LAMA3: variants seen among roughly 807,000 people sequenced by gnomAD.
The protein encoded by LAMA3 is laminin subunit alpha 3.
In LAMA3, 281 loss-of-function variants were observed where a neutral mutation model predicts 402.0. The observed-to-expected ratio is 0.70, with a 90% CI of 0.63 to 0.77. The LOEUF (loss-of-function observed/expected upper bound fraction) is 0.77, where lower values mean the gene tolerates loss of function less well. LAMA3 is among the 30% of genes least tolerant of loss of function. The probability of loss-of-function intolerance (pLI) is 0.00; values close to 1 mark genes in which losing one functional copy is unlikely to be tolerated. For synonymous variants in LAMA3, 1,431 were observed against 1,558.4 expected, an observed-to-expected ratio of 0.92 and a Z score of 1.93; for missense variants, 3,840 against 4,215.5, an observed-to-expected ratio of 0.91 and a Z score of 2.47.
At position 23,689,887 on chromosome 18, in the gene LAMA3, G is replaced by A; in HGVS notation, c.204G>A (p.Glu68=). The A allele has an allele frequency of 1.3e-6, 2 of 1,541,164 alleles. No homozygotes were observed. Among genetic ancestry groups the A allele is most frequent in the Non-Finnish European group, 1.7e-6 (2 of 1,143,610 alleles). The stretch of plus-strand genomic sequence containing the variant: ...TTTGGGCCACCGCCACCTGCGGGGA[G>A]AGGGGACCCGGCGAGGGGAGGCCCC... ...ARIWATATCG[E]RGPGEGRPQP... Residue 68 remains glutamate (E), a synonymous_variant, in exon 1 of 75, where the codon GAG becomes GAA. Transcript: ENST00000313654.
At chr18:23,696,181 G>A (rs2060683435) in intron 1 of LAMA3, among the ~76,000 whole-genome samples, 1 of 152,202 alleles carries the variant, frequency 6.6e-6, no homozygotes, top group Non-Finnish European at 1.5e-5. Flanking sequence ...GTAATTTGAT[G>A]AGAATGCAAA....
intron 44 of LAMA3, among the ~76,000 whole-genome samples, chr18:23,895,376 T>C (rs1200383069): frequency 6.6e-6 from 1 of 152,212 alleles, no homozygotes; most frequent in Non-Finnish European, 1.5e-5. Context: ...CTTTAAATGT[T>C]GGATAGAATT....
chr18:23,721,362 A>AT (rs2061210095), intron 2 of LAMA3, among the ~76,000 whole-genome samples: 1 of 152,216 alleles, frequency 6.6e-6, no homozygotes, highest in South Asian at 2.1e-4. Flanking sequence ...TCCTTCCATA[A>AT]TTGGGTCTGC....
intron 27 of LAMA3, 139 bp downstream of exon 27, chr18:23,840,068 GC>G (rs2063664917): frequency 1.1e-6 from 1 of 919,618 alleles, no homozygotes; most frequent in Non-Finnish European, 1.7e-6. Context: ...CTGGGGGTGG[GC>G]CCAGGAATCT....
chr18:23,944,091 T>C, intron 69 of LAMA3, 120 bp downstream of exon 69: 1 of 973,058 alleles, frequency 1.0e-6, no homozygotes, highest in Non-Finnish European at 1.6e-6. Context: ...AGAGCTTGTG[T>C]GCTTGCAGGC....
At chr18:23,876,266 T>C (rs775345397) in intron 38 of LAMA3, 28 bp from the exon 39 acceptor site, 2 of 1,429,430 alleles carry the variant, frequency 1.4e-6, no homozygotes, top group Non-Finnish European at 2.0e-6. Flanking sequence ...TTTCTTTGTA[T>C]TGATTAAACA....
chr18:23,944,132 C>T (rs1268333052), intron 69 of LAMA3, among the ~76,000 whole-genome samples, 161 bp downstream of exon 69: 1 of 152,150 alleles, frequency 6.6e-6, no homozygotes, highest in Non-Finnish European at 1.5e-5. Context: ...GTACTGGAGG[C>T]CGCGGCACAC....
In LAMA3 at chr18:23,775,798, G is replaced by T. The variant is rs1005685820; in HGVS notation, c.1280G>T (p.Ser427Ile). Residue 427 changes from serine (S) to isoleucine (I), a missense_variant, in exon 10 of 75, where the codon AGC (serine) becomes ATC (isoleucine). By Grantham distance (142) the Ser-to-Ile change is moderately radical. This residue lies in a region of LAMA3 where 2,109 missense variants were observed against 2,376.0 expected (regional missense o/e 0.89). Transcript: ENST00000313654. ...AAACTGGGATTTCTCTTAGCCTGCA[G>T]CTGTGACCCTGAGCATGCGGATGGC... is the stretch of plus-strand genomic sequence containing the variant. ...VDAPDGCIPCSCDPEHADGCE... is the reference protein window; with the variant it reads ...VDAPDGCIPCICDPEHADGCE... The T allele has an allele frequency of 2.5e-6, 4 of 1,613,878 alleles. No homozygotes were observed. The African/African-American group carries it at 5.3e-5, about 22-fold the overall frequency.
chr18:23,898,029 G>A (rs996438799), intron 44 of LAMA3, among the ~76,000 whole-genome samples: 1 of 152,068 alleles, frequency 6.6e-6, no homozygotes, highest in Non-Finnish European at 1.5e-5. Context: ...ACATATTGAG[G>A]TAATAATATC....
chr18:23,896,906 G>T (rs1049906728), intron 44 of LAMA3, among the ~76,000 whole-genome samples: 2 of 152,064 alleles, frequency 1.3e-5, no homozygotes, highest in Non-Finnish European at 2.9e-5. Context: ...AAAGAAAGGG[G>T]AACTCCCACC....
intron 2 of LAMA3, among the ~76,000 whole-genome samples, chr18:23,721,207 C>A (rs182130240): frequency 4.7e-4 from 71 of 152,064 alleles, no homozygotes; most frequent in African/African-American, 1.7e-3. Flanking sequence ...TGTATATATA[C>A]ACACATTCAA....
At chr18:23,832,992 G>A (rs910694810) in intron 23 of LAMA3, among the ~76,000 whole-genome samples, 1 of 152,090 alleles carries the variant, frequency 6.6e-6, no homozygotes. Flanking sequence ...TTAAGAGGGG[G>A]GTACTATTGT....
chr18:23,747,901 G>A (rs372440452), intron 2 of LAMA3, 42 bp from the exon 3 acceptor site: 43 of 1,110,972 alleles, frequency 3.9e-5, no homozygotes, highest in Non-Finnish European at 5.4e-5. Context: ...GCTGTGAATC[G>A]ATGAGATGAC....
At chr18:23,772,983 A>G (rs2143863083) in intron 8 of LAMA3, among the ~76,000 whole-genome samples, 1 of 152,364 alleles carries the variant, frequency 6.6e-6, no homozygotes, top group East Asian at 1.9e-4. Context: ...TTTTCCATTC[A>G]TGAAACAGAG....
intron 8 of LAMA3, among the ~76,000 whole-genome samples, chr18:23,767,225 C>G (rs2062093990): frequency 6.6e-6 from 1 of 152,066 alleles, no homozygotes; most frequent in East Asian, 1.9e-4. Flanking sequence ...TAATAGATGA[C>G]AAAAACAAAT....
intron 27 of LAMA3, among the ~76,000 whole-genome samples, chr18:23,841,221 A>G (rs1278485038): frequency 6.6e-6 from 1 of 152,154 alleles, no homozygotes; most frequent in Admixed American, 6.5e-5. Context: ...TCCATGAACT[A>G]TTTACCCCCC....
chr18:23,875,544 A>C (rs2064681168), intron 38 of LAMA3, among the ~76,000 whole-genome samples: 1 of 152,054 alleles, frequency 6.6e-6, no homozygotes, highest in Admixed American at 6.6e-5. Flanking sequence ...AACCTCATGC[A>C]CGCTCCCCTC....
intron 6 of LAMA3, among the ~76,000 whole-genome samples, chr18:23,756,431 C>A (rs1274808851): frequency 2.9e-5 from 4 of 137,822 alleles, no homozygotes; most frequent in Non-Finnish European, 3.2e-5. Context: ...TGCGGGGACA[C>A]CCCCGCCGCT....
chr18:23,911,467 A>G (rs923791065), intron 55 of LAMA3, among the ~76,000 whole-genome samples: 1 of 152,162 alleles, frequency 6.6e-6, no homozygotes, highest in Admixed American at 6.5e-5. Context: ...AGCTTTGAAC[A>G]ATTTGAATTG....
Sources: allele counts gnomAD v4.1 joint callset (sites outside exome capture counted in the v4.1 genomes callset), GRCh38; gene constraint gnomAD v4.1.1; regional missense constraint gnomAD v4.1.1; transcripts MANE v1.5; gene names NCBI Gene and HGNC (gene_info 2026-07-23, HGNC 2026-07-21).